Variants in CPSF6 observed in about 807,000 individuals in gnomAD.
CPSF6 encodes cleavage and polyadenylation specificity factor subunit 6.
CPSF6 carries 10 observed loss-of-function variants against 56.7 expected under a neutral mutation model. That is an observed-to-expected ratio of 0.18 (90% CI 0.11 to 0.30). The LOEUF is 0.30. CPSF6 is among the 10% of genes least tolerant of loss of function. The probability of loss-of-function intolerance (pLI) is 1.00; values close to 1 mark genes in which losing one functional copy is unlikely to be tolerated. For missense variants in CPSF6, 419 were observed against 722.9 expected (o/e 0.58, Z 4.82); for synonymous variants, 248 against 244.8 (o/e 1.01, Z -0.12).
Position 69,270,291 on chromosome 12 carries a change from G to T in CPSF6, c.*783G>T, listed in dbSNP as rs976060168. The T allele has an allele frequency of 6.6e-6, 1 of 152,116 alleles. No homozygotes were observed. Among genetic ancestry groups the T allele is most frequent in the Non-Finnish European group, 1.5e-5 (1 of 67,678 alleles). The allele number at this position is 152,116 out of a possible 1,614,324, so 9.4% of individuals were successfully genotyped here. A position where few individuals can be genotyped will look rare whatever the true frequency, so the allele number is the denominator to read the frequency against. The stretch of plus-strand genomic sequence containing the variant: ...ACAGACATAGCAATCTAGTCAATGT[G>T]TAAGGGGTCAAAAAAACAGAGGTTT... On this transcript the variant is annotated 3_prime_UTR_variant, in exon 10 of 10. Coordinates refer to ENST00000435070, the MANE Select transcript of CPSF6 (RefSeq NM_007007.3).
chr12:69,259,246 G>A, intron 6 of CPSF6, 152 bp downstream of exon 6: 1 of 1,222,474 alleles, frequency 8.2e-7, no homozygotes, highest in Non-Finnish European at 1.1e-6. Flanking sequence ...GAAAGATACT[G>A]GTATAGGAGA....
intron 1 of CPSF6, among the ~76,000 whole-genome samples, chr12:69,243,245 A>G (rs1240810795): frequency 1.3e-5 from 2 of 152,214 alleles, no homozygotes; most frequent in African/African-American, 4.8e-5. Flanking sequence ...ACGTATCCAC[A>G]GTTCCACTTT....
chr12:69,247,479 T>G lies in CPSF6; in HGVS notation c.61-3650T>G, dbSNP rs148536295. 2.0e-4 allele frequency among the ~76,000 whole-genome samples: 31 copies of G among 152,220 alleles called. 1 individual carries two copies. The East Asian group carries it at 6.0e-3, about 29-fold the overall frequency. ...AGATAAGATTGGGCAACATTTGGTA[T>G]CAAAGATAATTAGAGGAATGATGTT... is the stretch of plus-strand genomic sequence containing the variant. On this transcript the variant is annotated intron_variant, in intron 1 of 9. Transcript: ENST00000435070.
chr12:69,267,722 TA>T (rs1282242658), intron 9 of CPSF6, among the ~76,000 whole-genome samples: 1 of 151,814 alleles, frequency 6.6e-6, no homozygotes, highest in East Asian at 1.9e-4. Context: ...GAAATAGAAA[TA>T]AAAACTGCTA....
Position 69,250,205 on chromosome 12 carries a change from A to T in CPSF6, c.61-924A>T, listed in dbSNP as rs73335770. On this transcript the variant is annotated intron_variant, in intron 1 of 9. Coordinates refer to ENST00000435070, the MANE Select transcript of CPSF6 (RefSeq NM_007007.3). ...ATACTGGTAGCTTCCTCAAGGTTGG[A>T]AAACAAGATCTGAATACTATAGAAA... 9.0e-3 allele frequency among the ~76,000 whole-genome samples: 1,373 copies of T among 152,102 alleles called. 23 individuals are homozygous for T. Among genetic ancestry groups the T allele is most frequent in the African/African-American group, 0.031 (1,294 of 41,484 alleles).
chr12:69,244,214 T>C (rs1026695036), intron 1 of CPSF6, among the ~76,000 whole-genome samples: 1 of 152,214 alleles, frequency 6.6e-6, no homozygotes, highest in Non-Finnish European at 1.5e-5. Context: ...TATATCCTTA[T>C]ACTGTAAACT....
intron 9 of CPSF6, among the ~76,000 whole-genome samples, chr12:69,268,515 T>G (rs1354475621): frequency 1.3e-5 from 2 of 151,748 alleles, no homozygotes; most frequent in African/African-American, 4.8e-5. Context: ...TCAGTTATTT[T>G]TATTTCAAAA....
intron 8 of CPSF6, among the ~76,000 whole-genome samples, chr12:69,261,280 T>C (rs1033153882): frequency 6.6e-6 from 1 of 152,162 alleles, no homozygotes. Context: ...ATCATCTTTT[T>C]AAGTTTTGAA....
At chr12:69,249,004 T>G (rs1389750144) in intron 1 of CPSF6, among the ~76,000 whole-genome samples, 1 of 151,916 alleles carries the variant, frequency 6.6e-6, no homozygotes, top group Non-Finnish European at 1.5e-5. Flanking sequence ...CCCAGCACTT[T>G]GGGAGGCCGA....
rs569827450 is a variant in CPSF6 at position 69,259,217 on chromosome 12, C to T, written c.1199+123C>T. ...CTTCCAAGAAGATGAGGTGTTTAAG[C>T]TGCTACCCTGTTTTAGCTGAAAGAT... is the stretch of plus-strand genomic sequence containing the variant. On this transcript the variant is annotated intron_variant, in intron 6 of 9. Transcript: ENST00000435070. The T allele has an allele frequency of 4.9e-5, 62 of 1,273,324 alleles. No homozygotes were observed. In the African/African-American group the frequency reaches 8.6e-4, roughly 18 times the overall value. 78.9% of individuals were successfully genotyped at this position (1,273,324 alleles called of 1,614,324 possible).
At position 69,258,212 on chromosome 12, in the gene CPSF6, C is replaced by T. The variant is rs1412558730; in HGVS notation, c.694+307C>T. ...TATTTACATCCGTCTTACTTTCTTA[C>T]CTCTTAAAAAAATCCTTTCAAGATC... On this transcript the variant is annotated intron_variant, in intron 5 of 9. Coordinates refer to ENST00000435070, the MANE Select transcript of CPSF6 (RefSeq NM_007007.3). The surrounding 1 kb of genome is among the most constrained non-coding windows in gnomAD (Gnocchi z 4.2). 2.2e-6 allele frequency: 2 copies of T among 912,778 alleles called. No homozygotes were observed. The highest frequency in any genetic ancestry group is 1.7e-6 in the Non-Finnish European group (1 of 605,542). 56.5% of individuals were successfully genotyped at this position (912,778 alleles called of 1,614,324 possible). A position where few individuals can be genotyped will look rare whatever the true frequency, so the allele number is the denominator to read the frequency against.
chr12:69,259,208 G>T (rs1426079518), intron 6 of CPSF6, 114 bp downstream of exon 6: 2 of 1,300,826 alleles, frequency 1.5e-6, no homozygotes, highest in Non-Finnish European at 2.1e-6. Context: ...AGAAGATGAG[G>T]TGTTTAAGCT....
At chr12:69,267,334 C>G (rs913811467) in intron 9 of CPSF6, among the ~76,000 whole-genome samples, 2 of 151,900 alleles carry the variant, frequency 1.3e-5, no homozygotes, top group African/African-American at 4.8e-5. Context: ...AAGTACTTCT[C>G]TGTGTGTTGA....
chr12:69,263,742 G>A (rs1246882375), intron 9 of CPSF6, among the ~76,000 whole-genome samples: 11 of 151,964 alleles, frequency 7.2e-5, no homozygotes, highest in African/African-American at 2.4e-4. Context: ...TAACAGATAC[G>A]CAAATGAAGT....
At position 69,239,723 on chromosome 12, in the gene CPSF6, G is replaced by T; in HGVS notation, c.60+17G>T. On this transcript the variant is annotated intron_variant, in intron 1 of 9. Transcript: ENST00000435070. Reference sequence around the variant, plus strand: ...TTCAACCAGGTACGTGAGAGCCCAGGTCCCCGCCGCCGACGCGGGCGGCGC... The same window carrying T: ...TTCAACCAGGTACGTGAGAGCCCAGTTCCCCGCCGCCGACGCGGGCGGCGC... The T allele has an allele frequency of 6.4e-7, 1 of 1,568,282 alleles. No homozygotes were observed.
chr12:69,254,720 A>C (rs1872424890), intron 3 of CPSF6, among the ~76,000 whole-genome samples: 2 of 152,204 alleles, frequency 1.3e-5, no homozygotes, highest in Non-Finnish European at 2.9e-5. Context: ...TGCAAACAGC[A>C]GAACTTGTTG....
intron 8 of CPSF6, among the ~76,000 whole-genome samples, chr12:69,261,584 GTAATAACTTAGGCC>G (rs1418135141): frequency 6.7e-6 from 1 of 149,904 alleles, no homozygotes; most frequent in Non-Finnish European, 1.5e-5. Flanking sequence ...AAAAAACAAA[GTAATAACTTAGGCC>G]TTGATCAAGG....
Position 69,272,260 on chromosome 12 carries a change from A to G in CPSF6, c.*2752A>G, listed in dbSNP as rs1873282200. Reference sequence around the variant, plus strand: ...CCTTTTACCTAGAATGTTCTTAAGCAGTTAATGACAATTTGGAATACACAG... The same window carrying G: ...CCTTTTACCTAGAATGTTCTTAAGCGGTTAATGACAATTTGGAATACACAG... On this transcript the variant is annotated 3_prime_UTR_variant, in exon 10 of 10. Coordinates refer to ENST00000435070, the MANE Select transcript of CPSF6 (RefSeq NM_007007.3). The G allele has an allele frequency of 6.6e-6, 1 of 151,556 alleles. No homozygotes were observed. The highest frequency in any genetic ancestry group is 2.4e-5 in the African/African-American group (1 of 41,368). The allele number at this position is 151,556 out of a possible 1,614,324, so 9.4% of individuals were successfully genotyped here. A position where few individuals can be genotyped will look rare whatever the true frequency, so the allele number is the denominator to read the frequency against.
chr12:69,262,291 A>C (rs1872774729), intron 8 of CPSF6, 82 bp from the exon 9 acceptor site: 2 of 1,424,644 alleles, frequency 1.4e-6, no homozygotes, highest in South Asian at 1.8e-5. Context: ...TTGCTGCCTA[A>C]GTTTTTTTAG....
Sources: allele counts gnomAD v4.1 joint callset (sites outside exome capture counted in the v4.1 genomes callset), GRCh38; gene constraint gnomAD v4.1.1; non-coding constraint Gnocchi (gnomAD v3.1); transcripts MANE v1.5; gene names NCBI Gene and HGNC (gene_info 2026-07-23, HGNC 2026-07-21).